The following CTNNA3 variants were observed in gnomAD, a reference collection of about 807,000 sequenced individuals.
CTNNA3 encodes catenin alpha-3.
In CTNNA3, 76 loss-of-function variants were observed where a neutral mutation model predicts 95.7. That is an observed-to-expected ratio of 0.79 (90% confidence interval 0.66 to 0.96). The LOEUF is 0.96. Ranked by LOEUF, CTNNA3 falls within the 40% of genes least tolerant of loss-of-function variation. CTNNA3 has a pLI of 0.00. For synonymous variants in CTNNA3, 431 were observed against 374.4 expected (o/e 1.15, Z -1.74); for missense variants, 1,191 against 1,089.8 (o/e 1.09, Z -1.31).
At chr10:67,560,159 A>G (rs1841445767) in intron 3 of CTNNA3, among the ~76,000 whole-genome samples, 1 of 152,134 alleles carries the variant, frequency 6.6e-6, no homozygotes, top group African/African-American at 2.4e-5. Flanking sequence ...ACTCCTCGAG[A>G]AGAGCAACTC....
intron 12 of CTNNA3, among the ~76,000 whole-genome samples, chr10:66,376,771 T>C (rs2092799354): frequency 2.0e-5 from 3 of 152,170 alleles, no homozygotes; most frequent in Admixed American, 1.3e-4. Flanking sequence ...AGTCCACAGA[T>C]ATTACTGTTC....
intron 9 of CTNNA3, among the ~76,000 whole-genome samples, chr10:66,634,226 T>C (rs1356108317): frequency 6.6e-6 from 1 of 152,110 alleles, no homozygotes; most frequent in Admixed American, 6.6e-5. Context: ...ATCAAGAAAA[T>C]TGTATTAATC....
intron 9 of CTNNA3, among the ~76,000 whole-genome samples, chr10:66,757,150 T>C (rs952658242): frequency 3.3e-5 from 5 of 152,154 alleles, no homozygotes; most frequent in African/African-American, 1.2e-4. Context: ...GTATACTCAT[T>C]ATTTCAGCAC....
intron 11 of CTNNA3, among the ~76,000 whole-genome samples, chr10:66,486,825 A>G (rs1257006488): frequency 6.7e-6 from 1 of 149,626 alleles, no homozygotes; most frequent in African/African-American, 2.5e-5. Flanking sequence ...AAATACACAC[A>G]CACACACACA....
intron 13 of CTNNA3, among the ~76,000 whole-genome samples, chr10:66,203,080 T>C (rs560473531): frequency 6.6e-6 from 1 of 152,172 alleles, no homozygotes; most frequent in South Asian, 2.1e-4. Flanking sequence ...AACAAAACTT[T>C]AGTGTTTGGA....
intron 16 of CTNNA3, among the ~76,000 whole-genome samples, chr10:65,979,553 G>T (rs754673664): frequency 8.5e-5 from 13 of 152,078 alleles, no homozygotes; most frequent in Non-Finnish European, 1.3e-4. Flanking sequence ...TTTGATTAAA[G>T]ATAGCCAGCC....
At chr10:67,143,162 C>T (rs1005300678) in intron 7 of CTNNA3, among the ~76,000 whole-genome samples, 5 of 151,918 alleles carry the variant, frequency 3.3e-5, no homozygotes, top group Admixed American at 6.6e-5. Context: ...CTGGGCCAGG[C>T]GCGGTGGCTC....
At chr10:66,053,960 A>G (rs2080017549) in intron 15 of CTNNA3, among the ~76,000 whole-genome samples, 1 of 152,120 alleles carries the variant, frequency 6.6e-6, no homozygotes, top group African/African-American at 2.4e-5. Flanking sequence ...GTTGCCACCT[A>G]TTAATGAGAA....
intron 1 of CTNNA3, among the ~76,000 whole-genome samples, chr10:67,674,889 T>G (rs76693753): frequency 6.6e-6 from 1 of 150,716 alleles, no homozygotes; most frequent in Non-Finnish European, 1.5e-5. Context: ...CCCTGCTTCA[T>G]ATGTCCCTCT....
chr10:66,802,283 C>A (rs533670513), intron 7 of CTNNA3, among the ~76,000 whole-genome samples: 1 of 151,746 alleles, frequency 6.6e-6, no homozygotes, highest in Non-Finnish European at 1.5e-5. Flanking sequence ...ATATTATTCA[C>A]AATGCATATA....
At chr10:66,169,175 C>G (rs746485275) in intron 13 of CTNNA3, among the ~76,000 whole-genome samples, 1 of 152,126 alleles carries the variant, frequency 6.6e-6, no homozygotes, top group Non-Finnish European at 1.5e-5. Flanking sequence ...TCCCTCACTC[C>G]CTTCCTTCCC....
chr10:66,147,608 G>GTTTTTTTTT (rs34193216), intron 13 of CTNNA3, among the ~76,000 whole-genome samples: 19 of 105,774 alleles, frequency 1.8e-4, no homozygotes, highest in Admixed American at 3.3e-4. Flanking sequence ...GTTGCTTTCA[G>GTTTTTTTTT]TTTTTTTTTT....
chr10:66,596,062 G>A (rs1039974805), intron 10 of CTNNA3, among the ~76,000 whole-genome samples: 14 of 152,040 alleles, frequency 9.2e-5, no homozygotes, highest in Admixed American at 7.9e-4. Flanking sequence ...AGTGGGAGCA[G>A]CTTCCTTCCT....
At chr10:66,959,813 C>A (rs539792232) in intron 7 of CTNNA3, among the ~76,000 whole-genome samples, 1 of 152,226 alleles carries the variant, frequency 6.6e-6, no homozygotes, top group African/African-American at 2.4e-5. Context: ...AGAAACTTTG[C>A]TGACACAAAC....
At chr10:66,873,291 T>C (rs948932320) in intron 7 of CTNNA3, among the ~76,000 whole-genome samples, 3 of 152,192 alleles carry the variant, frequency 2.0e-5, no homozygotes, top group African/African-American at 7.2e-5. Flanking sequence ...GTGGCTGAAC[T>C]AATTTATATT....
At chr10:67,352,427 G>C (rs1176623338) in intron 5 of CTNNA3, among the ~76,000 whole-genome samples, 1 of 151,746 alleles carries the variant, frequency 6.6e-6, no homozygotes, top group East Asian at 1.9e-4. Flanking sequence ...ATTCCCACAG[G>C]ACAAAGGAAT....
intron 1 of CTNNA3, among the ~76,000 whole-genome samples, chr10:67,733,414 A>G (rs1438859626): frequency 2.0e-5 from 3 of 152,130 alleles, no homozygotes; most frequent in African/African-American, 7.2e-5. Flanking sequence ...TCCTCAACCT[A>G]CTCTACATCC....
intron 10 of CTNNA3, among the ~76,000 whole-genome samples, 178 bp downstream of exon 10, chr10:66,621,514 C>A (rs1459274102): frequency 6.6e-6 from 1 of 151,016 alleles, no homozygotes; most frequent in Non-Finnish European, 1.5e-5. Context: ...ATCCCAGCTA[C>A]TCAGGAAGCA....
intron 12 of CTNNA3, among the ~76,000 whole-genome samples, chr10:66,349,089 T>C (rs4271280): frequency 0.59 from 89,716 of 151,926 alleles, 28,839 homozygotes; most frequent in Non-Finnish European, 0.72. Flanking sequence ...ATTCGTTACA[T>C]AAGATTATAT....
Sources: gnomAD v4.1 joint callset for allele counts (sites outside exome capture counted in the v4.1 genomes callset) on GRCh38, gnomAD v4.1.1 for gene constraint, MANE v1.5 for transcripts, NCBI Gene and HGNC (gene_info 2026-07-23, HGNC 2026-07-21) for gene names.